Variants in LOC400499 observed in about 807,000 individuals in gnomAD.
chr16:11,434,156 G>A, the LOC400499 span, among the ~76,000 whole-genome samples: 2 of 152,228 alleles, frequency 1.3e-5, no homozygotes, highest in South Asian at 4.1e-4. Flanking sequence ...CAAGCACAGT[G>A]GGCAGCAGAA....
chr16:11,478,580 C>A, the LOC400499 span: 2 of 399,046 alleles, frequency 5.0e-6, no homozygotes, highest in Non-Finnish European at 8.8e-6. Context: ...CAGTGGTTCA[C>A]GTGACTCCCC....
the LOC400499 span, chr16:11,521,999 C>G: frequency 2.5e-6 from 1 of 399,258 alleles, no homozygotes; most frequent in Non-Finnish European, 4.4e-6. Context: ...ACAGCCAAGC[C>G]TTGGAGGCCA....
chr16:11,462,790 T>C, the LOC400499 span, among the ~76,000 whole-genome samples: 2 of 152,144 alleles, frequency 1.3e-5, no homozygotes, highest in South Asian at 4.1e-4. Flanking sequence ...CAGACATAAA[T>C]GTAAGGGACT....
the LOC400499 span, chr16:11,404,750 G>T: frequency 7.5e-6 from 3 of 399,046 alleles, no homozygotes; most frequent in Admixed American, 1.3e-4. Context: ...GCCCAGAAAG[G>T]CTCCCGGTGA....
chr16:11,391,270 TG>T, the LOC400499 span, among the ~76,000 whole-genome samples: 4 of 152,312 alleles, frequency 2.6e-5, no homozygotes, highest in South Asian at 8.3e-4. Flanking sequence ...CGAGGCTGGT[TG>T]GGGCAGCAGG....
the LOC400499 span, among the ~76,000 whole-genome samples, chr16:11,466,081 T>C: frequency 4.6e-5 from 7 of 152,306 alleles, no homozygotes; most frequent in East Asian, 1.4e-3. Context: ...ATAAATTCCA[T>C]TCCACGGACT....
chr16:11,429,231 T>C, the LOC400499 span, among the ~76,000 whole-genome samples: 57,077 of 151,990 alleles, frequency 0.38, 11,012 homozygotes, highest in Admixed American at 0.5. Flanking sequence ...GTCCTTTCCA[T>C]AGTGAGATCT....
the LOC400499 span, among the ~76,000 whole-genome samples, chr16:11,468,606 A>G: frequency 6.6e-6 from 1 of 151,996 alleles, no homozygotes. Flanking sequence ...AATTACAGGT[A>G]CAAGCCGTCA....
chr16:11,372,602 C>T, the LOC400499 span: 1 of 337,484 alleles, frequency 3.0e-6, no homozygotes, highest in African/African-American at 2.2e-5. Context: ...ACGTGCGGTT[C>T]TGAGTTTCCC....
the LOC400499 span, among the ~76,000 whole-genome samples, chr16:11,438,019 C>T: frequency 6.6e-6 from 1 of 152,162 alleles, no homozygotes; most frequent in African/African-American, 2.4e-5. Flanking sequence ...CAAGATCTTC[C>T]ACTGGTGAGC....
the LOC400499 span, among the ~76,000 whole-genome samples, chr16:11,385,728 T>C: frequency 6.6e-6 from 1 of 152,218 alleles, no homozygotes; most frequent in African/African-American, 2.4e-5. Flanking sequence ...TCTGTTTACA[T>C]AAAATGTCCA....
At chr16:11,459,761 G>T in the LOC400499 span, 2 of 902,764 alleles carry the variant, frequency 2.2e-6, no homozygotes, top group East Asian at 6.6e-5. Flanking sequence ...GATGCAAAAG[G>T]GAAAGTCACC....
chr16:11,452,205 G>GTTTTTTTTTTT, the LOC400499 span, among the ~76,000 whole-genome samples: 2 of 89,792 alleles, frequency 2.2e-5, no homozygotes, highest in Non-Finnish European at 5.2e-5. Flanking sequence ...TTTTTTGTTT[G>GTTTTTTTTTTT]TTTTTTTTTT....
At chr16:11,424,283 T>G in the LOC400499 span, 131 of 399,288 alleles carry the variant, frequency 3.3e-4, no homozygotes, top group African/African-American at 2.4e-3. Flanking sequence ...GCGCCAGGCG[T>G]GCTGAGCAGT....
the LOC400499 span, among the ~76,000 whole-genome samples, chr16:11,425,670 C>G: frequency 3.3e-5 from 5 of 152,138 alleles, no homozygotes; most frequent in Admixed American, 6.5e-5. Flanking sequence ...CTGAACAGCT[C>G]TATATTTATA....
the LOC400499 span, among the ~76,000 whole-genome samples, chr16:11,495,749 G>A: frequency 5.9e-5 from 9 of 152,220 alleles, no homozygotes; most frequent in East Asian, 1.9e-4. Context: ...TGTCACACAC[G>A]TTGCCTTTCT....
the LOC400499 span, chr16:11,461,136 C>T: frequency 2.6e-6 from 4 of 1,526,898 alleles, no homozygotes; most frequent in Non-Finnish European, 3.5e-6. Flanking sequence ...GGACAGAGAG[C>T]AGGCAGATGA....
At chr16:11,380,377 C>G in the LOC400499 span, among the ~76,000 whole-genome samples, 2 of 151,756 alleles carry the variant, frequency 1.3e-5, no homozygotes, top group Non-Finnish European at 2.9e-5. Flanking sequence ...GTCAGGAGTT[C>G]GAGACCAGCC....
the LOC400499 span, among the ~76,000 whole-genome samples, chr16:11,450,287 A>C: frequency 1.6e-4 from 24 of 152,134 alleles, no homozygotes; most frequent in African/African-American, 5.5e-4. Flanking sequence ...CGTCCTAGAA[A>C]TTTTCACTCT....
Sources: gnomAD v4.1 joint callset for allele counts (sites outside exome capture counted in the v4.1 genomes callset) on GRCh38, gnomAD v4.1.1 for gene constraint, MANE v1.5 for transcripts.